Variants in CACNA1E observed in about 807,000 individuals in gnomAD.
The protein encoded by CACNA1E is calcium voltage-gated channel subunit alpha1 E.
A neutral mutation model predicts 259.2 loss-of-function variants in CACNA1E; 40 were observed. The observed-to-expected ratio is 0.15, with a 90% CI of 0.12 to 0.20. The LOEUF (loss-of-function observed/expected upper bound fraction) is 0.20. CACNA1E is among the 10% of genes least tolerant of loss of function. The pLI is 1.00. For missense variants in CACNA1E, 1,874 were observed against 3,040.1 expected, an observed-to-expected ratio of 0.62 and a Z score of 9.02; for synonymous variants, 1,104 against 1,138.5, an observed-to-expected ratio of 0.97 and a Z score of 0.61.
chr1:181,627,319 T>C (rs1656288118), intron 6 of CACNA1E, among the ~76,000 whole-genome samples: 1 of 152,322 alleles, frequency 6.6e-6, no homozygotes, highest in South Asian at 2.1e-4. Flanking sequence ...GCTATTGAAC[T>C]AGGTCTTATA....
At chr1:181,408,108 TGGA>T (rs1657597038) in intron 1 of CACNA1E, among the ~76,000 whole-genome samples, 1 of 152,130 alleles carries the variant, frequency 6.6e-6, no homozygotes, top group Admixed American at 6.5e-5. Context: ...GTCTATGCAG[TGGA>T]GATTTCTTTG....
chr1:181,710,793 A>G (rs1653272429), intron 7 of CACNA1E, among the ~76,000 whole-genome samples, 161 bp from the exon 8 acceptor site: 1 of 152,226 alleles, frequency 6.6e-6, no homozygotes, highest in African/African-American at 2.4e-5. Context: ...TTTCTGTGTA[A>G]CATTGTAAGG....
Position 181,798,184 on chromosome 1 carries a change from C to G in CACNA1E, c.6400-108C>G. On this transcript the variant is annotated intron_variant, in intron 47 of 47. Transcript: ENST00000367573. The surrounding 1 kb of genome is among the most constrained non-coding windows in gnomAD (Gnocchi z 4.2). ...GTGAATACTACAGGGAGCTCCAGCT[C>G]AGGCCTCTCCCTGACAGAATTCAGA... is the stretch of plus-strand genomic sequence containing the variant. 1 of 888,892 alleles carries G rather than the reference C, an allele frequency of 1.1e-6. No homozygotes were observed. The highest frequency in any genetic ancestry group is 2.4e-5 in the East Asian group (1 of 41,072). 55.1% of individuals were successfully genotyped at this position (888,892 alleles called of 1,614,324 possible). A position where few individuals can be genotyped will look rare whatever the true frequency, so the allele number is the denominator to read the frequency against.
intron 1 of CACNA1E, among the ~76,000 whole-genome samples, chr1:181,384,338 T>G (rs1024781345): frequency 6.6e-6 from 1 of 152,226 alleles, no homozygotes; most frequent in African/African-American, 2.4e-5. Context: ...AAACCCAGTA[T>G]CTAATGTCAA....
At chr1:181,578,963 G>T in intron 4 of CACNA1E, 109 bp from the exon 5 acceptor site, 1 of 904,938 alleles carries the variant, frequency 1.1e-6, no homozygotes, top group South Asian at 2.0e-5. Flanking sequence ...TAATCTATCA[G>T]AGGCAGACGG....
chr1:181,403,000 T>G (rs1318025921), intron 1 of CACNA1E, among the ~76,000 whole-genome samples: 1 of 152,144 alleles, frequency 6.6e-6, no homozygotes, highest in Admixed American at 6.5e-5. Flanking sequence ...AAACATGAAT[T>G]TCAGGTCTTG....
chr1:181,694,263 C>G, intron 7 of CACNA1E, among the ~76,000 whole-genome samples: 1 of 152,176 alleles, frequency 6.6e-6, no homozygotes, highest in East Asian at 1.9e-4. Flanking sequence ...AAGCATACAG[C>G]ACCTTAATAT....
chr1:181,472,077 G>T (rs1662546698), intron 2 of CACNA1E, among the ~76,000 whole-genome samples: 2 of 152,148 alleles, frequency 1.3e-5, no homozygotes, highest in Non-Finnish European at 2.9e-5. Context: ...TTTTTATTCT[G>T]CTGTAAAAAA....
chr1:181,501,213 C>T (rs1324155556), intron 1 of CACNA1E, among the ~76,000 whole-genome samples: 2 of 152,164 alleles, frequency 1.3e-5, no homozygotes, highest in Non-Finnish European at 2.9e-5. Flanking sequence ...CAGTCACACG[C>T]AAAACAAATG....
At chr1:181,323,944 G>A (rs551484896) in intron 1 of CACNA1E, among the ~76,000 whole-genome samples, 1 of 152,322 alleles carries the variant, frequency 6.6e-6, no homozygotes, top group Non-Finnish European at 1.5e-5. Context: ...CTGAGCCCTG[G>A]TCCAGAGCAG....
intron 1 of CACNA1E, among the ~76,000 whole-genome samples, chr1:181,488,092 C>A (rs2102491582): frequency 6.6e-6 from 1 of 152,326 alleles, no homozygotes; most frequent in African/African-American, 2.4e-5. Flanking sequence ...TGCTTTACTA[C>A]TGTGAATCTC....
intron 34 of CACNA1E, among the ~76,000 whole-genome samples, chr1:181,765,889 A>G (rs150808814): frequency 3.9e-5 from 6 of 152,344 alleles, no homozygotes; most frequent in Non-Finnish European, 5.9e-5. Context: ...ATGTTATCCC[A>G]AAGTGGCAAT....
chr1:181,483,664 G>A lies in CACNA1E; in HGVS notation c.-81G>A. On this transcript the variant is annotated 5_prime_UTR_variant, in exon 1 of 48. The change creates a new upstream start codon in the 5' untranslated region. Coordinates refer to ENST00000367573, the MANE Select transcript of CACNA1E (RefSeq NM_001205293.3). ...TGTCTGGATGCGGCTCTGAGTCTCC[G>A]TGTGTCTTTCTGCTTGTTGCTGTGT... The A allele has an allele frequency of 2.1e-6, 2 of 972,738 alleles. No individual in the cohort carries two copies. Among genetic ancestry groups the A allele is most frequent in the Non-Finnish European group, 2.9e-6 (2 of 679,420 alleles). The allele number at this position is 972,738 out of a possible 1,614,324, so 60.3% of individuals were successfully genotyped here. A position where few individuals can be genotyped will look rare whatever the true frequency, so the allele number is the denominator to read the frequency against.
At chr1:181,506,342 G>A (rs78316046) in intron 1 of CACNA1E, among the ~76,000 whole-genome samples, 1,643 of 152,296 alleles carry the variant, frequency 0.011, 14 homozygotes, top group Middle Eastern at 0.017. Context: ...TTTTGCTGTC[G>A]GGAAGAAATG....
intron 2 of CACNA1E, among the ~76,000 whole-genome samples, chr1:181,447,446 G>T (rs1001501352): frequency 6.6e-6 from 1 of 151,966 alleles, no homozygotes; most frequent in Non-Finnish European, 1.5e-5. Context: ...TGGGAGGATG[G>T]CTTGAGCCCA....
intron 2 of CACNA1E, among the ~76,000 whole-genome samples, chr1:181,432,752 C>T (rs1659807807): frequency 6.6e-6 from 1 of 152,186 alleles, no homozygotes; most frequent in Non-Finnish European, 1.5e-5. Flanking sequence ...GCCCCTTAAC[C>T]TCACTAGCTC....
chr1:181,597,323 C>T (rs1653283198), intron 6 of CACNA1E, among the ~76,000 whole-genome samples: 1 of 152,166 alleles, frequency 6.6e-6, no homozygotes, highest in Admixed American at 6.5e-5. Context: ...TTGTCAAAGT[C>T]ATCTTGTTTA....
chr1:181,732,526 C>A lies in CACNA1E; in HGVS notation c.2440C>A (p.Leu814Ile). The A allele has an allele frequency of 1.3e-6, 2 of 1,551,444 alleles. No homozygotes were observed. Among genetic ancestry groups the A allele is most frequent in the Non-Finnish European group, 1.7e-6 (2 of 1,146,868 alleles). ...GAACCCGCTCAACCCCCTCAACCCG[C>A]TCAGCTCCCTCAACCCGCTCAATGC... ...TMNPLNPLNP[L>I]SSLNPLNAHP... Residue 814 changes from leucine to isoleucine, a missense_variant, in exon 20 of 48, where the codon CTC (leucine) becomes ATC (isoleucine). By Grantham distance (5) the Leu-to-Ile change is conservative. Coordinates refer to ENST00000367573, the MANE Select transcript of CACNA1E (RefSeq NM_001205293.3). This position sits in a 1 kb window ranked among gnomAD's most constrained non-coding sequence, Gnocchi z 5.5.
At chr1:181,424,423 C>G (rs1321592493) in intron 2 of CACNA1E, among the ~76,000 whole-genome samples, 2 of 152,254 alleles carry the variant, frequency 1.3e-5, no homozygotes, top group East Asian at 3.8e-4. Flanking sequence ...ACTCGCCTTT[C>G]CCTTCAACCT....
Sources: allele counts gnomAD v4.1 joint callset (sites outside exome capture counted in the v4.1 genomes callset), GRCh38; gene constraint gnomAD v4.1.1; non-coding constraint Gnocchi (gnomAD v3.1); transcripts MANE v1.5; gene names NCBI Gene and HGNC (gene_info 2026-07-23, HGNC 2026-07-21).